Variants in SOD2 observed in about 807,000 individuals in gnomAD.
SOD2 encodes superoxide dismutase [Mn], mitochondrial.
Under a neutral mutation model 27.0 loss-of-function variants are expected in SOD2, and 11 were observed. The observed-to-expected ratio is 0.41, with a 90% confidence interval of 0.26 to 0.67. SOD2 has a LOEUF of 0.67. Among genes scored for constraint, SOD2 ranks in the 30% least tolerant of loss-of-function variants. The pLI, the probability that SOD2 is intolerant of heterozygous loss-of-function variation, is 0.34. For synonymous variants in SOD2, 105 were observed against 103.0 expected, an observed-to-expected ratio of 1.02 and a Z score of -0.12; for missense variants, 250 against 274.5, an observed-to-expected ratio of 0.91 and a Z score of 0.63.
intron 1 of SOD2, among the ~76,000 whole-genome samples, chr6:159,706,806 A>G (rs1777636078): frequency 6.6e-6 from 1 of 152,250 alleles, no homozygotes; most frequent in Non-Finnish European, 1.5e-5. Flanking sequence ...CCAAATCAAC[A>G]GAATATACAT....
Position 159,672,040 on chromosome 6 carries a change from G to GA in SOD2, c.*10452dup, listed in dbSNP as rs1320579181. The stretch of plus-strand genomic sequence containing the variant: ...AATGAAGTGAGAAGAGAAGTTAAGA[G>GA]AAAAAAGAGTAAAAAGAAACGAACA... On this transcript the variant is annotated 3_prime_UTR_variant, in exon 5 of 5. Transcript: ENST00000538183. The GA allele has an allele frequency of 1.3e-5, 2 of 152,104 alleles. No individual in the cohort carries two copies. Among genetic ancestry groups the GA allele is most frequent in the Non-Finnish European group, 2.9e-5 (2 of 68,030 alleles). 9.4% of individuals were successfully genotyped at this position (152,104 alleles called of 1,614,324 possible).
At chr6:159,701,228 C>T (rs1380731659) in intron 1 of SOD2, among the ~76,000 whole-genome samples, 2 of 152,122 alleles carry the variant, frequency 1.3e-5, no homozygotes, top group East Asian at 3.9e-4. Context: ...TGCCAGCTGC[C>T]AACATCTTTC....
chr6:159,740,565 A>G (rs1779190987), intron 1 of SOD2, among the ~76,000 whole-genome samples: 1 of 152,144 alleles, frequency 6.6e-6, no homozygotes, highest in African/African-American at 2.4e-5. Flanking sequence ...CTTTCTCTAT[A>G]CATCCCCAAA....
At chr6:159,739,868 C>T (rs146033055) in intron 1 of SOD2, among the ~76,000 whole-genome samples, 2,753 of 115,574 alleles carry the variant, frequency 0.024, 58 homozygotes, top group Middle Eastern at 0.075. Flanking sequence ...GCCATAATCT[C>T]ATACATAGGA....
intron 1 of SOD2, among the ~76,000 whole-genome samples, chr6:159,700,299 G>C (rs1007848871): frequency 7.2e-5 from 11 of 152,344 alleles, no homozygotes; most frequent in African/African-American, 2.6e-4. Flanking sequence ...CTAGTGTGGT[G>C]ATGCAGTAGC....
chr6:159,738,843 A>T, intron 1 of SOD2: 1 of 508,348 alleles, frequency 2.0e-6, no homozygotes, highest in Non-Finnish European at 3.4e-6. Flanking sequence ...AAAAAAAAAA[A>T]CTTTTGTAAT....
At chr6:159,750,291 T>G (rs1779770915) in intron 1 of SOD2, among the ~76,000 whole-genome samples, 1 of 152,230 alleles carries the variant, frequency 6.6e-6, no homozygotes. Flanking sequence ...ATTATTAACA[T>G]GTACTCAAAT....
rs1453750429 is a variant in SOD2, at chr6:159,669,342, A to T, written c.*13151T>A. ...GTCAGGTCCATTTGGTGTAAAGTGC[A>T]ATTTAAATCCAATATTTATTGGTTT... On this transcript the variant is annotated 3_prime_UTR_variant, in exon 5 of 5. Transcript: ENST00000538183. 1 of 152,214 alleles carries T rather than the reference A, an allele frequency of 6.6e-6. No homozygotes were observed. The highest frequency in any genetic ancestry group is 1.5e-5 in the Non-Finnish European group (1 of 68,044). The allele number at this position is 152,214 out of a possible 1,614,324, so 9.4% of individuals were successfully genotyped here.
intron 1 of SOD2, among the ~76,000 whole-genome samples, chr6:159,753,992 G>A (rs990935861): frequency 1.3e-5 from 2 of 152,120 alleles, no homozygotes; most frequent in South Asian, 2.1e-4. Flanking sequence ...AGTTTTCAGC[G>A]ATCTGAAAGT....
chr6:159,738,186 T>C (rs1779036042), intron 1 of SOD2, among the ~76,000 whole-genome samples: 1 of 152,220 alleles, frequency 6.6e-6, no homozygotes, highest in African/African-American at 2.4e-5. Flanking sequence ...GATACATATC[T>C]GAACTATCAC....
chr6:159,752,316 A>G (rs1309023633), intron 1 of SOD2, among the ~76,000 whole-genome samples: 2 of 152,112 alleles, frequency 1.3e-5, no homozygotes, highest in Non-Finnish European at 2.9e-5. Context: ...AAATATCACA[A>G]TTATTTACTT....
intron 1 of SOD2, chr6:159,726,646 TA>T: frequency 1.7e-6 from 1 of 604,628 alleles, no homozygotes; most frequent in Non-Finnish European, 2.5e-6. Flanking sequence ...TTGAGTTCAC[TA>T]AACCTCACAG....
Position 159,684,951 on chromosome 6 carries a change from G to T in SOD2, c.426C>A (p.Val142=), listed in dbSNP as rs1309171492. The T allele has an allele frequency of 1.2e-6, 2 of 1,613,414 alleles. No homozygotes were observed. Among genetic ancestry groups the T allele is most frequent in the East Asian group, 4.5e-5 (2 of 44,830 alleles). ...CAAGCCAACCCCAACCTGAGCCTTG[G>T]ACACCAACAGATGCAGCCGTCAGCT... is the stretch of plus-strand genomic sequence containing the variant. The part of the protein sequence containing the change: ...KEKLTAASVG[V]QGSGWGWLGF... Residue 142 remains valine, a synonymous_variant, in exon 4 of 5, where the codon GTC becomes GTA. Transcript: ENST00000538183.
intron 2 of SOD2, among the ~76,000 whole-genome samples, chr6:159,689,187 T>C (rs908898044): frequency 6.6e-6 from 1 of 152,198 alleles, no homozygotes; most frequent in African/African-American, 2.4e-5. Context: ...CATGACCAAC[T>C]TGGATGTTCC....
At chr6:159,750,709 C>G (rs1221206367) in intron 1 of SOD2, among the ~76,000 whole-genome samples, 1 of 152,022 alleles carries the variant, frequency 6.6e-6, no homozygotes, top group East Asian at 1.9e-4. Context: ...TAGTATATTT[C>G]CGTTATATTA....
At chr6:159,684,235 CTT>C (rs1780082654) in intron 4 of SOD2, among the ~76,000 whole-genome samples, 1 of 152,216 alleles carries the variant, frequency 6.6e-6, no homozygotes, top group Admixed American at 6.5e-5. Flanking sequence ...TTTCCTCACT[CTT>C]GTTCTATAGC....
At chr6:159,686,535 C>T (rs1780193537) in intron 3 of SOD2, among the ~76,000 whole-genome samples, 2 of 152,110 alleles carry the variant, frequency 1.3e-5, no homozygotes, top group Admixed American at 1.3e-4. Flanking sequence ...ATAATCCCAG[C>T]TACTCGGGAG....
chr6:159,751,319 A>G (rs1779812376), intron 1 of SOD2, among the ~76,000 whole-genome samples: 1 of 152,244 alleles, frequency 6.6e-6, no homozygotes, highest in Non-Finnish European at 1.5e-5. Context: ...GGGTTAAGTC[A>G]GGTCACAGAT....
intron 1 of SOD2, among the ~76,000 whole-genome samples, chr6:159,699,026 G>C (rs1459905557): frequency 1.3e-5 from 2 of 151,924 alleles, no homozygotes; most frequent in East Asian, 1.9e-4. Flanking sequence ...CAAGTGTATT[G>C]CTGTTAAACC....
Sources: gnomAD v4.1 joint callset for allele counts (sites outside exome capture counted in the v4.1 genomes callset) on GRCh38, gnomAD v4.1.1 for gene constraint, MANE v1.5 for transcripts, NCBI Gene and HGNC (gene_info 2026-07-23, HGNC 2026-07-21) for gene names.